The following KLHL31 variants were observed in gnomAD, a reference collection of about 807,000 sequenced individuals.
The protein encoded by KLHL31 is kelch-like protein 31.
KLHL31 carries 32 observed loss-of-function variants against 47.1 expected under a neutral mutation model. That is an observed-to-expected ratio of 0.68 (90% CI 0.51 to 0.91). KLHL31 has a LOEUF of 0.91. KLHL31 is among the 40% of genes least tolerant of loss of function. KLHL31 has a pLI of 0.00. For synonymous variants in KLHL31, 330 were observed against 325.1 expected (o/e 1.01, Z -0.16); for missense variants, 797 against 819.3 (o/e 0.97, Z 0.33).
chr6:53,663,899 A>G (rs896533344), intron 1 of KLHL31, among the ~76,000 whole-genome samples: 3 of 152,220 alleles, frequency 2.0e-5, no homozygotes, highest in Admixed American at 6.5e-5. Flanking sequence ...CAGAACGTCC[A>G]ACCTATCAGG....
In KLHL31 at chr6:53,651,097, T is replaced by C. The variant is rs1311865004; in HGVS notation, c.*501A>G. ...GGGAAAATTGCGTTGAAATACAGAA[T>C]TAAATCTTAAGTCTTTATGGAGATC... On this transcript the variant is annotated 3_prime_UTR_variant, in exon 3 of 3. Transcript: ENST00000370905. 1 of 152,242 alleles carries C rather than the reference T, an allele frequency of 6.6e-6. No individual in the cohort carries two copies. The highest frequency in any genetic ancestry group is 2.4e-5 in the African/African-American group (1 of 41,410). 9.4% of individuals were successfully genotyped at this position (152,242 alleles called of 1,614,324 possible). A position where few individuals can be genotyped will look rare whatever the true frequency, so the allele number is the denominator to read the frequency against.
chr6:53,663,124 T>C (rs1276178266), intron 1 of KLHL31, among the ~76,000 whole-genome samples: 6 of 152,090 alleles, frequency 3.9e-5, no homozygotes, highest in Non-Finnish European at 8.8e-5. Context: ...AAGTGTGCAG[T>C]GTGTGCTGGG....
Position 53,651,731 on chromosome 6 carries a change from A to T in KLHL31, c.1772T>A (p.Leu591His). Residue 591 changes from leucine (L) to histidine (H), a missense_variant, in exon 3 of 3, where the codon CTC (leucine) becomes CAC (histidine). Leu to His is a moderately conservative substitution (Grantham distance 99). Transcript: ENST00000370905. ...KKCIQCFSPE[L>H]NEWTEDDELP... Reference sequence around the variant, plus strand: ...CTCGTCGTCCTCCGTCCACTCGTTGAGCTCGGGGCTGAAGCACTGGATGCA... The same window carrying T: ...CTCGTCGTCCTCCGTCCACTCGTTGTGCTCGGGGCTGAAGCACTGGATGCA... 1 of 1,614,156 alleles carries T rather than the reference A, an allele frequency of 6.2e-7. No homozygotes were observed. The highest frequency in any genetic ancestry group is 1.1e-5 in the South Asian group (1 of 91,082).
intron 2 of KLHL31, 53 bp downstream of exon 2, chr6:53,654,048 G>T: frequency 1.4e-6 from 2 of 1,418,410 alleles, no homozygotes; most frequent in East Asian, 2.3e-5. Context: ...CTATGTTAGG[G>T]CTATTTCCCT....
At chr6:53,652,414 C>G (rs946688875) in intron 2 of KLHL31, 84 bp from the exon 3 acceptor site, 3 of 1,550,970 alleles carry the variant, frequency 1.9e-6, no homozygotes, top group African/African-American at 2.7e-5. Context: ...AGTGGGAAGC[C>G]TGACACTACC....
At chr6:53,662,041 C>A (rs979133827) in intron 1 of KLHL31, among the ~76,000 whole-genome samples, 3 of 152,130 alleles carry the variant, frequency 2.0e-5, no homozygotes, top group East Asian at 1.9e-4. Flanking sequence ...CTGCTCAGGG[C>A]ATCCCCAAGC....
At chr6:53,664,926 A>AG (rs1764697635) in intron 1 of KLHL31, among the ~76,000 whole-genome samples, 1 of 152,124 alleles carries the variant, frequency 6.6e-6, no homozygotes, top group Non-Finnish European at 1.5e-5. Context: ...GGTGGGGTGT[A>AG]GGGGGGTGGT....
rs1764439635 is a variant in KLHL31 at position 53,649,803 on chromosome 6, T to C, written c.*1795A>G. 2 of 152,214 alleles carry C rather than the reference T, an allele frequency of 1.3e-5. No individual in the cohort carries two copies. The highest frequency in any genetic ancestry group is 6.5e-5 in the Admixed American group (1 of 15,282). 9.4% of individuals were successfully genotyped at this position (152,214 alleles called of 1,614,324 possible). A position where few individuals can be genotyped will look rare whatever the true frequency, so the allele number is the denominator to read the frequency against. ...ATGAGTGTGTGCGTATACACACATA[T>C]ACATACACCAAGGTAATATACCATA... On this transcript the variant is annotated 3_prime_UTR_variant, in exon 3 of 3. Transcript: ENST00000370905.
At position 53,654,157 on chromosome 6, in the gene KLHL31, AC is replaced by A; in HGVS notation, c.1115del (p.Gly372ValfsTer34). The A allele has an allele frequency of 6.2e-7, 1 of 1,613,730 alleles. No individual in the cohort carries two copies. On this transcript the variant is annotated frameshift_variant, in exon 2 of 3. Transcript: ENST00000370905. LOFTEE classifies it high-confidence loss of function. ...VMDGFLYVAGGEDQNDARNQA... is the reference protein window; with the variant it reads ...VMDGFLYVAGXEDQNDARNQA... The stretch of plus-strand genomic sequence containing the variant: ...GATTTCTTGCATCATTCTGGTCTTC[AC>A]CACCGGCTACATAAAGAAATCCATC...
At chr6:53,664,727 A>T (rs1056497812) in intron 1 of KLHL31, among the ~76,000 whole-genome samples, 6 of 152,298 alleles carry the variant, frequency 3.9e-5, no homozygotes, top group African/African-American at 1.4e-4. Context: ...CTAAAGTGTC[A>T]CTGTCACTCT....
chr6:53,661,725 CTG>C (rs1473635669), intron 1 of KLHL31, among the ~76,000 whole-genome samples: 2 of 152,158 alleles, frequency 1.3e-5, no homozygotes, highest in Non-Finnish European at 2.9e-5. Context: ...GGAACTCTCA[CTG>C]TTTTATTCTA....
rs1764452030 is a variant in KLHL31, at chr6:53,650,789, A to C, written c.*809T>G. ...TGAAATTCTTCTTTAATAGAGGACA[A>C]GGGATAAAATGCAAATCCTTCTAGT... On this transcript the variant is annotated 3_prime_UTR_variant, in exon 3 of 3. Coordinates refer to ENST00000370905, the MANE Select transcript of KLHL31 (RefSeq NM_001003760.5). 1 of 152,216 alleles carries C rather than the reference A, an allele frequency of 6.6e-6. No homozygotes were observed. The highest frequency in any genetic ancestry group is 2.4e-5 in the African/African-American group (1 of 41,458). 9.4% of individuals were successfully genotyped at this position (152,216 alleles called of 1,614,324 possible).
Position 53,651,451 on chromosome 6 carries a change from G to C in KLHL31, c.*147C>G. On this transcript the variant is annotated 3_prime_UTR_variant, in exon 3 of 3. Transcript: ENST00000370905. ...GATTATGCCATACCAGGAATTTAAA[G>C]CCATCAGGACATGTGCCTCGACATA... The C allele has an allele frequency of 2.8e-6, 1 of 357,234 alleles. No homozygotes were observed. The highest frequency in any genetic ancestry group is 4.8e-6 in the Non-Finnish European group (1 of 209,918). The allele number at this position is 357,234 out of a possible 1,614,324, so 22.1% of individuals were successfully genotyped here.
intron 1 of KLHL31, among the ~76,000 whole-genome samples, chr6:53,663,730 A>G (rs1764680143): frequency 6.6e-6 from 1 of 152,108 alleles, no homozygotes; most frequent in Admixed American, 6.6e-5. Flanking sequence ...TTTGTTGAAA[A>G]CTTTAGTAAA....
intron 1 of KLHL31, among the ~76,000 whole-genome samples, chr6:53,660,875 T>C (rs1326342477): frequency 6.6e-6 from 1 of 152,160 alleles, no homozygotes; most frequent in Non-Finnish European, 1.5e-5. Context: ...TGTGGCCGAA[T>C]TTTCCTATGT....
rs145438022 is a variant in KLHL31, at chr6:53,654,162, C to T, written c.1111G>A (p.Gly371Ser). The change falls in exon 2 of 3, where the codon GGT becomes AGT. Residue 371 changes from glycine to serine, a missense_variant. Transcript: ENST00000370905. ...CTTGCATCATTCTGGTCTTCACCAC[C>T]GGCTACATAAAGAAATCCATCCATC... is the stretch of plus-strand genomic sequence containing the variant. ...AVMDGFLYVA[G>S]GEDQNDARNQ... 71 of 1,613,734 alleles carry T rather than the reference C, an allele frequency of 4.4e-5. 1 individual carries two copies. Among genetic ancestry groups the T allele is most frequent in the Non-Finnish European group, 5.5e-5 (65 of 1,179,890 alleles).
chr6:53,651,606 T>G lies in KLHL31; in HGVS notation c.1897A>C (p.Ser633Arg), dbSNP rs369927487. 6.2e-7 allele frequency: 1 copy of G among 1,610,718 alleles called. No individual in the cohort carries two copies. The highest frequency in any genetic ancestry group is 8.5e-7 in the Non-Finnish European group (1 of 1,177,382). ...CCTGCATCTACCTGGGCTCAGATAC[T>G]GACTGGCACAGAAGATACCGAACTG... ...RASSVSSVPV[S>R]I is the part of the protein sequence containing the mutation. The change falls in exon 3 of 3, where the codon AGT (serine) becomes CGT (arginine). Residue 633 changes from serine to arginine, a missense_variant. Ser to Arg is a moderately radical substitution (Grantham distance 110, BLOSUM62 -1). Transcript: ENST00000370905.
At chr6:53,661,167 G>A (rs985823609) in intron 1 of KLHL31, among the ~76,000 whole-genome samples, 1 of 152,180 alleles carries the variant, frequency 6.6e-6, no homozygotes, top group Admixed American at 6.5e-5. Context: ...CTGCATCACC[G>A]AAAGCCACTG....
chr6:53,656,616 A>T (rs1178477745), intron 1 of KLHL31, among the ~76,000 whole-genome samples: 2 of 152,116 alleles, frequency 1.3e-5, no homozygotes, highest in Non-Finnish European at 2.9e-5. Flanking sequence ...AATCAATGAG[A>T]AAGAACTTGT....
Sources: gnomAD v4.1 joint callset for allele counts (sites outside exome capture counted in the v4.1 genomes callset) on GRCh38, gnomAD v4.1.1 for gene constraint, MANE v1.5 for transcripts, NCBI Gene and HGNC (gene_info 2026-07-23, HGNC 2026-07-21) for gene names.